Variants in COLGALT2 observed in about 807,000 individuals in gnomAD.
The protein encoded by COLGALT2 is procollagen galactosyltransferase 2.
COLGALT2 carries 49 observed loss-of-function variants against 73.4 expected under a neutral mutation model. The observed-to-expected ratio is 0.67, with a 90% CI of 0.53 to 0.85. The LOEUF (loss-of-function observed/expected upper bound fraction) is 0.85, where lower values mean the gene tolerates loss of function less well. Among genes scored for constraint, COLGALT2 ranks in the 40% least tolerant of loss-of-function variants. The pLI, the probability that COLGALT2 is intolerant of heterozygous loss-of-function variation, is 0.00. For synonymous variants in COLGALT2, 295 were observed against 307.6 expected, an observed-to-expected ratio of 0.96 and a Z score of 0.43; for missense variants, 722 against 790.2, an observed-to-expected ratio of 0.91 and a Z score of 1.03.
intron 6 of COLGALT2, among the ~76,000 whole-genome samples, chr1:183,958,569 C>G (rs1175601892): frequency 6.6e-6 from 1 of 151,894 alleles, no homozygotes; most frequent in African/African-American, 2.4e-5. Context: ...GACTGACTGG[C>G]CTATATACTT....
At chr1:183,992,767 G>C (rs1034742900) in intron 1 of COLGALT2, among the ~76,000 whole-genome samples, 1 of 152,194 alleles carries the variant, frequency 6.6e-6, no homozygotes, top group African/African-American at 2.4e-5. Context: ...CGGATACTGG[G>C]CTCTAGACTT....
chr1:184,003,352 G>T (rs1375391217), intron 1 of COLGALT2, among the ~76,000 whole-genome samples: 1 of 141,402 alleles, frequency 7.1e-6, no homozygotes, highest in East Asian at 2.1e-4. Flanking sequence ...CACTGTGTAA[G>T]AGGCTGCCAT....
chr1:183,936,781 G>A lies in COLGALT2; in HGVS notation c.*1980C>T, dbSNP rs757415539. The A allele has an allele frequency of 4.1e-6, 5 of 1,231,452 alleles. No individual in the cohort carries two copies. The highest frequency in any genetic ancestry group is 3.2e-5 in the East Asian group (1 of 31,708). The allele number at this position is 1,231,452 out of a possible 1,614,324, so 76.3% of individuals were successfully genotyped here. On this transcript the variant is annotated 3_prime_UTR_variant, in exon 12 of 12. Coordinates refer to ENST00000361927, the MANE Select transcript of COLGALT2 (RefSeq NM_015101.4). ...GAAAGGAAGTCACACTGACAGCTAA[G>A]TCTAAGCGGCACAATTTAGAGTTGG...
intron 1 of COLGALT2, among the ~76,000 whole-genome samples, chr1:184,036,199 G>A (rs748972082): frequency 2.0e-5 from 3 of 152,106 alleles, no homozygotes; most frequent in Non-Finnish European, 4.4e-5. Context: ...CCCACTCAGC[G>A]GCTAACCTGG....
chr1:184,030,085 T>A (rs1273063280), intron 1 of COLGALT2, among the ~76,000 whole-genome samples: 2 of 152,194 alleles, frequency 1.3e-5, no homozygotes, highest in Non-Finnish European at 2.9e-5. Context: ...CCAATCATAC[T>A]TTTTTTATTA....
intron 5 of COLGALT2, among the ~76,000 whole-genome samples, chr1:183,966,851 C>A (rs1262538169): frequency 1.3e-5 from 2 of 152,228 alleles, no homozygotes; most frequent in African/African-American, 4.8e-5. Context: ...GCCCTGCTCA[C>A]CAGCACACTT....
At chr1:183,973,813 A>G (rs1671117087) in intron 3 of COLGALT2, 63 bp from the exon 4 acceptor site, 2 of 1,531,802 alleles carry the variant, frequency 1.3e-6, no homozygotes, top group East Asian at 4.5e-5. Flanking sequence ...TTTGAGAATA[A>G]CCCAGCCCTT....
At chr1:183,954,650 AG>A in intron 7 of COLGALT2, 111 bp downstream of exon 7, 1 of 742,444 alleles carries the variant, frequency 1.3e-6, no homozygotes, top group South Asian at 1.9e-5. Flanking sequence ...CCATTTCAGC[AG>A]CCAAGCCAGT....
intron 1 of COLGALT2, among the ~76,000 whole-genome samples, chr1:184,008,035 A>G (rs936637427): frequency 1.3e-5 from 2 of 152,362 alleles, no homozygotes; most frequent in South Asian, 2.1e-4. Flanking sequence ...ATTAATCTCA[A>G]AAGGAAAATA....
At chr1:183,941,820 G>T (rs1670121272) in intron 10 of COLGALT2, among the ~76,000 whole-genome samples, 1 of 152,192 alleles carries the variant, frequency 6.6e-6, no homozygotes, top group African/African-American at 2.4e-5. Flanking sequence ...GAGCACTTGA[G>T]AGGAACTAGA....
At position 183,937,831 on chromosome 1, in the gene COLGALT2, T is replaced by C; in HGVS notation, c.*930A>G. 1 of 985,458 alleles carries C rather than the reference T, an allele frequency of 1.0e-6. No individual in the cohort carries two copies. The highest frequency in any genetic ancestry group is 1.2e-6 in the Non-Finnish European group (1 of 829,936). 61.0% of individuals were successfully genotyped at this position (985,458 alleles called of 1,614,324 possible). On this transcript the variant is annotated 3_prime_UTR_variant, in exon 12 of 12. Coordinates refer to ENST00000361927, the MANE Select transcript of COLGALT2 (RefSeq NM_015101.4). ...TGCTGGCCTGAAAATGTGCTCTGTCTCTTAGCAGTGACTCACAGAACTCAC... is the reference window on the plus strand; with the variant it reads ...TGCTGGCCTGAAAATGTGCTCTGTCCCTTAGCAGTGACTCACAGAACTCAC...
At chr1:184,007,045 A>G (rs1672105803) in intron 1 of COLGALT2, among the ~76,000 whole-genome samples, 1 of 152,248 alleles carries the variant, frequency 6.6e-6, no homozygotes, top group Admixed American at 6.5e-5. Flanking sequence ...AAGCAGTGTT[A>G]GCCATGGTTG....
intron 1 of COLGALT2, among the ~76,000 whole-genome samples, chr1:183,990,279 T>C (rs1671596807): frequency 6.6e-6 from 1 of 152,186 alleles, no homozygotes; most frequent in African/African-American, 2.4e-5. Flanking sequence ...ACATAGTATG[T>C]GCTCAATAAA....
chr1:184,002,632 A>G (rs999844541), intron 1 of COLGALT2, among the ~76,000 whole-genome samples: 1 of 152,244 alleles, frequency 6.6e-6, no homozygotes, highest in Non-Finnish European at 1.5e-5. Context: ...GATAAGCAGT[A>G]ATATTTTGGC....
At chr1:183,948,090 AT>A (rs965566775) in intron 8 of COLGALT2, among the ~76,000 whole-genome samples, 2 of 152,078 alleles carry the variant, frequency 1.3e-5, no homozygotes, top group Admixed American at 1.3e-4. Context: ...TTAATTAGTA[AT>A]AAAAAAAATT....
intron 1 of COLGALT2, among the ~76,000 whole-genome samples, chr1:183,996,098 C>T (rs141126884): frequency 0.012 from 1,898 of 152,200 alleles, 36 homozygotes; most frequent in African/African-American, 0.043. Flanking sequence ...ACCTCCAATG[C>T]CTTGTACGCT....
intron 6 of COLGALT2, among the ~76,000 whole-genome samples, chr1:183,961,395 T>A (rs1670696141): frequency 1.3e-5 from 2 of 152,190 alleles, no homozygotes; most frequent in South Asian, 2.1e-4. Flanking sequence ...CAAGAGAACA[T>A]AAGGTCTGGC....
chr1:183,977,824 G>A (rs185796315), intron 2 of COLGALT2, among the ~76,000 whole-genome samples: 1 of 140,302 alleles, frequency 7.1e-6, no homozygotes, highest in African/African-American at 3.1e-5. Flanking sequence ...GAGAGAGAGA[G>A]AGAGAGAGAG....
chr1:184,008,128 C>A (rs561755744), intron 1 of COLGALT2, among the ~76,000 whole-genome samples: 6 of 152,292 alleles, frequency 3.9e-5, no homozygotes, highest in African/African-American at 1.4e-4. Flanking sequence ...CAGACGTCAA[C>A]CTTCAGATGT....
Sources: allele counts gnomAD v4.1 joint callset (sites outside exome capture counted in the v4.1 genomes callset), GRCh38; gene constraint gnomAD v4.1.1; transcripts MANE v1.5; gene names NCBI Gene and HGNC (gene_info 2026-07-23, HGNC 2026-07-21).